Variants in CASQ1 observed in about 807,000 individuals in gnomAD.
CASQ1 encodes calsequestrin 1, also known as calsequestrin-1.
A neutral mutation model predicts 49.5 loss-of-function variants in CASQ1; 40 were observed. That is an observed-to-expected ratio of 0.81 (90% CI 0.63 to 1.05). The LOEUF is 1.05. Among genes scored for constraint, CASQ1 ranks in the 50% least tolerant of loss-of-function variants. The pLI, the probability that CASQ1 is intolerant of heterozygous loss-of-function variation, is 0.00. For synonymous variants in CASQ1, 174 were observed against 187.2 expected (o/e 0.93, Z 0.58); for missense variants, 469 against 486.9 (o/e 0.96, Z 0.35).
intron 10 of CASQ1, among the ~76,000 whole-genome samples, chr1:160,200,519 A>G (rs1654346301): frequency 6.6e-6 from 1 of 152,214 alleles, no homozygotes; most frequent in Non-Finnish European, 1.5e-5. Context: ...AGAAAAAGTG[A>G]TATTCAAAAT....
rs1265099445 is a variant in CASQ1 at position 160,196,040 on chromosome 1, G to A, written c.782+13G>A. On this transcript the variant is annotated intron_variant, in intron 6 of 10. Coordinates refer to ENST00000368078, the MANE Select transcript of CASQ1 (RefSeq NM_001231.5). Reference sequence around the variant, plus strand: ...AGGAGCACAGGAGGTGGGGACCAAGGGCAACCCTCTCAGCGGGGTCGGCTC... The same window carrying A: ...AGGAGCACAGGAGGTGGGGACCAAGAGCAACCCTCTCAGCGGGGTCGGCTC... 5 of 1,613,244 alleles carry A rather than the reference G, an allele frequency of 3.1e-6. No homozygotes were observed. The highest frequency in any genetic ancestry group is 1.1e-5 in the South Asian group (1 of 90,966).
intron 9 of CASQ1, 56 bp from the exon 10 acceptor site, chr1:160,199,795 T>TGG: frequency 2.5e-6 from 3 of 1,213,152 alleles, no homozygotes; most frequent in Admixed American, 1.7e-5. Context: ...CTCATCCTCC[T>TGG]GGATTCATGT....
intron 6 of CASQ1, 88 bp from the exon 7 acceptor site, chr1:160,197,481 G>T: frequency 1.1e-6 from 1 of 935,336 alleles, no homozygotes; most frequent in South Asian, 1.3e-5. Context: ...CCCTGGGCCT[G>T]ACCTAGAGGC....
intron 6 of CASQ1, among the ~76,000 whole-genome samples, chr1:160,197,342 C>A (rs993348661): frequency 2.6e-5 from 4 of 152,180 alleles, no homozygotes; most frequent in African/African-American, 9.7e-5. Flanking sequence ...CTTTCTCCCC[C>A]AGTCTCTCTT....
chr1:160,192,674 T>C (rs1163090029), intron 1 of CASQ1, 128 bp from the exon 2 acceptor site: 1 of 749,024 alleles, frequency 1.3e-6, no homozygotes, highest in South Asian at 1.7e-5. Flanking sequence ...TTCTGGATCT[T>C]AGCAAAGGGT....
chr1:160,190,659 G>A lies in CASQ1; in HGVS notation c.-93G>A, dbSNP rs988730201. The A allele has an allele frequency of 8.3e-7, 1 of 1,199,236 alleles. No individual in the cohort carries two copies. The highest frequency in any genetic ancestry group is 1.2e-6 in the Non-Finnish European group (1 of 853,116). The allele number at this position is 1,199,236 out of a possible 1,614,324, so 74.3% of individuals were successfully genotyped here. The stretch of plus-strand genomic sequence containing the variant: ...TTCCCCAATCCCCCCTCCCACTTGA[G>A]CCCCTAACTCAGAATCTGGGACCCA... On this transcript the variant is annotated 5_prime_UTR_variant, in exon 1 of 11. Transcript: ENST00000368078.
At chr1:160,196,069 CTTGGG>C (rs1654220057) in intron 6 of CASQ1, 42 bp downstream of exon 6, 2 of 1,605,080 alleles carry the variant, frequency 1.2e-6, no homozygotes, top group East Asian at 4.5e-5. Context: ...TCGGCTCCTC[CTTGGG>C]CTAGAACACA....
At chr1:160,194,142 CACATCATATACAT>C (rs1654146992) in intron 3 of CASQ1, among the ~76,000 whole-genome samples, 1 of 150,212 alleles carries the variant, frequency 6.7e-6, no homozygotes, top group African/African-American at 2.5e-5. Flanking sequence ...ACACCACACA[CACATCATATACAT>C]ACCACACACC....
Position 160,192,903 on chromosome 1 carries a change from C to T in CASQ1, c.364+17C>T, listed in dbSNP as rs759719656. The T allele has an allele frequency of 6.9e-6, 11 of 1,598,928 alleles. No homozygotes were observed. Among genetic ancestry groups the T allele is most frequent in the East Asian group, 2.2e-5 (1 of 44,768 alleles). On this transcript the variant is annotated intron_variant, in intron 2 of 10. Transcript: ENST00000368078. ...AGAAACTAGGTAAGAGAGGGGAGGG[C>T]AGGGGAGGGGAAGGTGGCATTGAGA...
At position 160,201,278 on chromosome 1, in the gene CASQ1, G is replaced by A. The variant is rs1403599353; in HGVS notation, c.1093G>A (p.Glu365Lys). The A allele has an allele frequency of 6.2e-7, 1 of 1,613,720 alleles. No individual in the cohort carries two copies. ...DSVWMEMDDE[E>K]DLPSAEELED... is the part of the protein sequence containing the mutation. The stretch of plus-strand genomic sequence containing the variant: ...CGTATGGATGGAAATGGACGATGAG[G>A]AGGACCTGCCTTCTGCTGAGGAGCT... The change falls in exon 11 of 11, where the codon GAG (glutamate) becomes AAG (lysine). Residue 365 changes from glutamate (E) to lysine (K), a missense_variant. Physicochemically the swap from Glu to Lys is moderately conservative, Grantham distance 56. Coordinates refer to ENST00000368078, the MANE Select transcript of CASQ1 (RefSeq NM_001231.5).
chr1:160,197,271 A>G (rs904786542), intron 6 of CASQ1, among the ~76,000 whole-genome samples: 3 of 152,186 alleles, frequency 2.0e-5, no homozygotes, highest in Non-Finnish European at 2.9e-5. Context: ...CGGGCACTCA[A>G]TCATAGTGAG....
At chr1:160,198,803 C>T (rs1654303027) in intron 8 of CASQ1, 72 bp downstream of exon 8, 1 of 1,408,114 alleles carries the variant, frequency 7.1e-7, no homozygotes, top group African/African-American at 1.4e-5. Context: ...GAGCATGGGC[C>T]TCACTAGGAG....
intron 6 of CASQ1, among the ~76,000 whole-genome samples, chr1:160,196,429 G>A (rs1654237035): frequency 6.6e-6 from 1 of 151,578 alleles, no homozygotes. Flanking sequence ...TTTTAACCCT[G>A]ATTTTAACCC....
In CASQ1 at chr1:160,201,488, C is replaced by A; in HGVS notation, c.*112C>A. The A allele has an allele frequency of 1.7e-6, 2 of 1,162,850 alleles. No individual in the cohort carries two copies. Among genetic ancestry groups the A allele is most frequent in the Non-Finnish European group, 2.5e-6 (2 of 809,376 alleles). 72.0% of individuals were successfully genotyped at this position (1,162,850 alleles called of 1,614,324 possible). A position where few individuals can be genotyped will look rare whatever the true frequency, so the allele number is the denominator to read the frequency against. ...GACTAGGTTATTCTCTGCCATAGAG[C>A]TAACTGGGGTCTATATGCTGGGTGC... On this transcript the variant is annotated 3_prime_UTR_variant, in exon 11 of 11. Transcript: ENST00000368078.
At chr1:160,195,632 C>T (rs1168044619) in intron 5 of CASQ1, 98 bp downstream of exon 5, 6 of 1,083,550 alleles carry the variant, frequency 5.5e-6, no homozygotes, top group East Asian at 2.5e-5. Flanking sequence ...TCCCTTCCTA[C>T]GTGCTGGCAC....
rs970226140 is a variant in CASQ1, at chr1:160,201,729, T to C, written c.*353T>C. 7 of 305,868 alleles carry C rather than the reference T, an allele frequency of 2.3e-5. No individual in the cohort carries two copies. Among genetic ancestry groups the C allele is most frequent in the Non-Finnish European group, 3.7e-5 (6 of 160,002 alleles). 18.9% of individuals were successfully genotyped at this position (305,868 alleles called of 1,614,324 possible). ...TCTGTTCCCTCCATCTATGCACAGC[T>C]TTCCCCCACTCTCTCTAATCCTGTA... On this transcript the variant is annotated 3_prime_UTR_variant, in exon 11 of 11. Transcript: ENST00000368078.
chr1:160,196,800 G>A lies in CASQ1; in HGVS notation c.783-769G>A, dbSNP rs575066176. On this transcript the variant is annotated intron_variant, in intron 6 of 10. Coordinates refer to ENST00000368078, the MANE Select transcript of CASQ1 (RefSeq NM_001231.5). Reference sequence around the variant, plus strand: ...CCCATGTTCTTTCTAATACAATATCGTACACCAATGGTTCTCTACAAGGTG... The same window carrying A: ...CCCATGTTCTTTCTAATACAATATCATACACCAATGGTTCTCTACAAGGTG... Among the ~76,000 whole-genome samples, 13 of 152,144 alleles carry A rather than the reference G, an allele frequency of 8.5e-5. No individual in the cohort carries two copies. The South Asian group carries it at 1.0e-3, about 12-fold the overall frequency.
In CASQ1 at chr1:160,201,570, A is replaced by G; in HGVS notation, c.*194A>G. 1.6e-6 allele frequency: 1 copy of G among 607,476 alleles called. No homozygotes were observed. Among genetic ancestry groups the G allele is most frequent in the South Asian group, 2.0e-5 (1 of 50,160 alleles). 37.6% of individuals were successfully genotyped at this position (607,476 alleles called of 1,614,324 possible). A position where few individuals can be genotyped will look rare whatever the true frequency, so the allele number is the denominator to read the frequency against. ...AATGAGCTACTTTTCCCTAGACACC[A>G]GGCCAGCTCTCTCTTATCTGACTTC... On this transcript the variant is annotated 3_prime_UTR_variant, in exon 11 of 11. Coordinates refer to ENST00000368078, the MANE Select transcript of CASQ1 (RefSeq NM_001231.5).
Position 160,201,458 on chromosome 1 carries a change from A to C in CASQ1, c.*82A>C. On this transcript the variant is annotated 3_prime_UTR_variant, in exon 11 of 11. Transcript: ENST00000368078. ...CCCTTGTCCTTCCCTGAGTTCCTCC[A>C]GGGAGACTAGGTTATTCTCTGCCAT... The C allele has an allele frequency of 6.9e-7, 1 of 1,454,304 alleles. No homozygotes were observed. Among genetic ancestry groups the C allele is most frequent in the Non-Finnish European group, 9.5e-7 (1 of 1,055,154 alleles). The allele number at this position is 1,454,304 out of a possible 1,614,324, so 90.1% of individuals were successfully genotyped here. A position where few individuals can be genotyped will look rare whatever the true frequency, so the allele number is the denominator to read the frequency against.
Sources: allele counts gnomAD v4.1 joint callset (sites outside exome capture counted in the v4.1 genomes callset), GRCh38; gene constraint gnomAD v4.1.1; transcripts MANE v1.5; gene names NCBI Gene and HGNC (gene_info 2026-07-23, HGNC 2026-07-21).